ARHGAP19: variants seen among roughly 807,000 people sequenced by gnomAD.
The protein encoded by ARHGAP19 is rho GTPase-activating protein 19.
ARHGAP19 carries 48 observed loss-of-function variants against 60.9 expected under a neutral mutation model. The ratio of observed to expected loss-of-function variants is 0.79; its 90% CI spans 0.62 to 1.00. The LOEUF is 1.00. Ranked by LOEUF, ARHGAP19 falls within the 50% of genes least tolerant of loss-of-function variation. The probability of loss-of-function intolerance (pLI) is 0.00; values close to 1 mark genes in which losing one functional copy is unlikely to be tolerated. For synonymous variants in ARHGAP19, 209 were observed against 215.5 expected, an observed-to-expected ratio of 0.97 and a Z score of 0.27; for missense variants, 562 against 597.2, an observed-to-expected ratio of 0.94 and a Z score of 0.61.
At chr10:97,271,593 A>G (rs916187398) in intron 1 of ARHGAP19, among the ~76,000 whole-genome samples, 1 of 152,012 alleles carries the variant, frequency 6.6e-6, no homozygotes, top group Non-Finnish European at 1.5e-5. Context: ...TTATCAGAAT[A>G]AAGCAAATTT....
chr10:97,230,023 C>T, intron 9 of ARHGAP19, 149 bp from the exon 10 acceptor site: 4 of 584,446 alleles, frequency 6.8e-6, no homozygotes, highest in Non-Finnish European at 8.8e-6. Flanking sequence ...CCATCTTATA[C>T]AAGAGAGGCC....
intron 2 of ARHGAP19, 47 bp downstream of exon 2, chr10:97,265,813 C>G (rs1842890516): frequency 6.3e-7 from 1 of 1,586,106 alleles, no homozygotes. Context: ...GAGAGAAGCC[C>G]AGGGAGCAGC....
At chr10:97,252,052 TG>T in intron 6 of ARHGAP19, among the ~76,000 whole-genome samples, 1 of 152,084 alleles carries the variant, frequency 6.6e-6, no homozygotes, top group South Asian at 2.1e-4. Context: ...GGAAAAGATG[TG>T]GTGTTGGGAA....
In ARHGAP19 at chr10:97,259,444, G is replaced by A; in HGVS notation, c.798C>T (p.Asn266=). The change falls in exon 5 of 12, where the codon AAC becomes AAT. Residue 266 remains asparagine (N), a synonymous_variant. Coordinates refer to ENST00000358531, the MANE Select transcript of ARHGAP19 (RefSeq NM_032900.6). ...CATGGGGTGCAAACATAAGGGCAAG[G>A]TTATAGGCTGACATCTTGTTCTTGT... ...KQDKNKMSAY[N]LALMFAPHVL... 1.9e-6 allele frequency: 3 copies of A among 1,614,182 alleles called. No homozygotes were observed. Among genetic ancestry groups the A allele is most frequent in the Non-Finnish European group, 2.5e-6 (3 of 1,180,024 alleles).
intron 1 of ARHGAP19, among the ~76,000 whole-genome samples, chr10:97,267,533 C>G (rs1842913208): frequency 6.6e-6 from 1 of 152,270 alleles, no homozygotes; most frequent in African/African-American, 2.4e-5. Flanking sequence ...TCCCATCCCA[C>G]ATTTCCCTTC....
chr10:97,268,498 T>C (rs988403305), intron 1 of ARHGAP19, among the ~76,000 whole-genome samples: 2 of 152,200 alleles, frequency 1.3e-5, no homozygotes. Flanking sequence ...AATAAAGACA[T>C]ACCAGAGACT....
At chr10:97,256,514 C>T in intron 5 of ARHGAP19, 110 bp from the exon 6 acceptor site, 1 of 747,530 alleles carries the variant, frequency 1.3e-6, no homozygotes, top group East Asian at 2.5e-5. Context: ...AGCCTAGGTG[C>T]CTCTAATACA....
intron 1 of ARHGAP19, among the ~76,000 whole-genome samples, chr10:97,278,773 G>A (rs2134915129): frequency 6.6e-6 from 1 of 150,584 alleles, no homozygotes; most frequent in East Asian, 2.0e-4. Flanking sequence ...TGCTTCTGAG[G>A]CATGTTGAAG....
chr10:97,241,918 G>C (rs1371100056), intron 8 of ARHGAP19, among the ~76,000 whole-genome samples: 1 of 151,430 alleles, frequency 6.6e-6, no homozygotes, highest in Non-Finnish European at 1.5e-5. Flanking sequence ...GCTGAGGCAG[G>C]AGAATGGCGT....
At chr10:97,272,942 G>A (rs1400214949) in intron 1 of ARHGAP19, among the ~76,000 whole-genome samples, 3 of 150,932 alleles carry the variant, frequency 2.0e-5, no homozygotes, top group African/African-American at 4.9e-5. Flanking sequence ...CTGGGTTCAC[G>A]CCATTCTCCT....
At chr10:97,273,272 C>T (rs1219776087) in intron 1 of ARHGAP19, among the ~76,000 whole-genome samples, 4 of 152,058 alleles carry the variant, frequency 2.6e-5, no homozygotes, top group Non-Finnish European at 4.4e-5. Context: ...AAGCAATTCT[C>T]GTGCCTCAGC....
rs1850970778 is a variant in ARHGAP19, at chr10:97,229,826, G to C, written c.1333C>G (p.Pro445Ala). Residue 445 changes from proline to alanine, a missense_variant, in exon 10 of 12, where the codon CCT becomes GCT. By Grantham distance (27) the Pro-to-Ala change is conservative (BLOSUM62 -1). Coordinates refer to ENST00000358531, the MANE Select transcript of ARHGAP19 (RefSeq NM_032900.6). ...QMMSEKKKKN[P>A]TPESVAIGEL... Reference sequence around the variant, plus strand: ...CCAATGGCCACAGATTCTGGAGTAGGGTTCTTCTTTTTCTTTTCTGACATC... The same window carrying C: ...CCAATGGCCACAGATTCTGGAGTAGCGTTCTTCTTTTTCTTTTCTGACATC... 1 of 1,612,938 alleles carries C rather than the reference G, an allele frequency of 6.2e-7. No homozygotes were observed.
chr10:97,273,482 CTCT>C (rs1446056355), intron 1 of ARHGAP19, among the ~76,000 whole-genome samples: 5 of 102,462 alleles, frequency 4.9e-5, no homozygotes, highest in Non-Finnish European at 6.3e-5. Flanking sequence ...AATTTCTGCT[CTCT>C]TTTTTTTTTT....
chr10:97,235,425 C>T (rs1019581396), intron 8 of ARHGAP19, 110 bp from the exon 9 acceptor site: 29 of 908,622 alleles, frequency 3.2e-5, no homozygotes, highest in Non-Finnish European at 4.3e-5. Context: ...ACTGAGTCTG[C>T]GCATAGATGG....
At chr10:97,261,802 T>C (rs1004321889) in intron 4 of ARHGAP19, among the ~76,000 whole-genome samples, 8 of 152,206 alleles carry the variant, frequency 5.3e-5, no homozygotes, top group Non-Finnish European at 1.2e-4. Flanking sequence ...GTAATGGATA[T>C]TGATGCTGTG....
chr10:97,238,593 T>C (rs1842419786), intron 8 of ARHGAP19, among the ~76,000 whole-genome samples: 1 of 152,204 alleles, frequency 6.6e-6, no homozygotes, highest in Admixed American at 6.5e-5. Context: ...AAAAAGCTTA[T>C]AGCATAAAGA....
At position 97,244,035 on chromosome 10, in the gene ARHGAP19, A is replaced by C; in HGVS notation, c.1118T>G (p.Leu373Arg). ...EETQHHTEEA[L>R]RELFQHVHDM... is the part of the protein sequence containing the mutation. ...ATGAACGTGTTGAAACAGCTCTCTCAGTGCCTCTTCCGTATGGTGCTGGGT... is the reference window on the plus strand; with the variant it reads ...ATGAACGTGTTGAAACAGCTCTCTCCGTGCCTCTTCCGTATGGTGCTGGGT... The change falls in exon 8 of 12, where the codon CTG (leucine) becomes CGG (arginine). Residue 373 changes from leucine to arginine, a missense_variant. By Grantham distance (102) the Leu-to-Arg change is moderately radical. Coordinates refer to ENST00000358531, the MANE Select transcript of ARHGAP19 (RefSeq NM_032900.6). 6.2e-7 allele frequency: 1 copy of C among 1,613,990 alleles called. No homozygotes were observed. The highest frequency in any genetic ancestry group is 8.5e-7 in the Non-Finnish European group (1 of 1,179,982).
rs372142968 is a variant in ARHGAP19 at position 97,231,279 on chromosome 10, AT to A, written c.1285-1406del. Among the ~76,000 whole-genome samples, 377 of 151,890 alleles carry A rather than the reference AT, an allele frequency of 2.5e-3. 2 individuals are homozygous for A. The highest frequency in any genetic ancestry group is 8.9e-3 in the African/African-American group (367 of 41,386). On this transcript the variant is annotated intron_variant, in intron 9 of 11. Transcript: ENST00000358531. Reference sequence around the variant, plus strand: ...GCACTTTTAGGATTCTAGCTAAGGGATTTTTTTTAAACAATGATAAAATGAA... The same window carrying A: ...GCACTTTTAGGATTCTAGCTAAGGGATTTTTTTAAACAATGATAAAATGAA...
chr10:97,260,633 A>G (rs1842818257), intron 4 of ARHGAP19, among the ~76,000 whole-genome samples: 1 of 152,198 alleles, frequency 6.6e-6, no homozygotes, highest in African/African-American at 2.4e-5. Flanking sequence ...ACAGATTGAC[A>G]ATAAAAAATG....
Sources: allele counts gnomAD v4.1 joint callset (sites outside exome capture counted in the v4.1 genomes callset), GRCh38; gene constraint gnomAD v4.1.1; transcripts MANE v1.5; gene names NCBI Gene and HGNC (gene_info 2026-07-23, HGNC 2026-07-21).